BAHD1: variants seen among roughly 807,000 people sequenced by gnomAD.
The protein encoded by BAHD1 is bromo adjacent homology domain-containing 1 protein.
BAHD1 carries 20 observed loss-of-function variants against 63.1 expected under a neutral mutation model. That is an observed-to-expected ratio of 0.32 (90% CI 0.22 to 0.46). The LOEUF (loss-of-function observed/expected upper bound fraction) is 0.46. BAHD1 is among the 20% of genes least tolerant of loss of function. The pLI is 1.00. For missense variants in BAHD1, 939 were observed against 1,071.8 expected (o/e 0.88, Z 1.73); for synonymous variants, 408 against 426.8 (o/e 0.96, Z 0.54).
At chr15:40,444,613 G>A (rs973934109) in intron 1 of BAHD1, among the ~76,000 whole-genome samples, 2 of 151,836 alleles carry the variant, frequency 1.3e-5, no homozygotes, top group African/African-American at 4.8e-5. Context: ...CTGGCCCATA[G>A]ATGGGACTTT....
rs904616028 is a variant in BAHD1, at chr15:40,443,256, G to C, written c.-15+1988G>C. 4.1e-6 allele frequency: 4 copies of C among 985,234 alleles called. No homozygotes were observed. The African/African-American group carries it at 7.0e-5, about 17-fold the overall frequency. The allele number at this position is 985,234 out of a possible 1,614,324, so 61.0% of individuals were successfully genotyped here. ...GCATGGGCATGGGAGTTTATTCATG[G>C]CCACCCCCCATGGACCTCCCTGGAA... is the stretch of plus-strand genomic sequence containing the variant. On this transcript the variant is annotated intron_variant, in intron 1 of 6. Transcript: ENST00000416165.
chr15:40,441,752 G>A (rs1425374983), intron 1 of BAHD1, among the ~76,000 whole-genome samples: 1 of 150,026 alleles, frequency 6.7e-6, no homozygotes, highest in Non-Finnish European at 1.5e-5. Flanking sequence ...CGGTCCCCGA[G>A]GCAAGGGGCC....
chr15:40,464,045 C>G lies in BAHD1; in HGVS notation c.1975+25C>G, dbSNP rs749932489. The G allele has an allele frequency of 4.3e-6, 7 of 1,611,838 alleles. No individual in the cohort carries two copies. In the South Asian group the frequency reaches 7.7e-5, roughly 18 times the overall value. On this transcript the variant is annotated intron_variant, in intron 4 of 6. Transcript: ENST00000416165. The stretch of plus-strand genomic sequence containing the variant: ...GGTACCTCTCCCTCTGGCTGGGGAC[C>G]CAAGGGGCAGCTGCCTTCAGCAGAA...
chr15:40,465,157 G>T (rs1894165441), intron 5 of BAHD1, 178 bp from the exon 6 acceptor site: 4 of 610,112 alleles, frequency 6.6e-6, no homozygotes, highest in South Asian at 5.7e-5. Flanking sequence ...GGACCTAGAA[G>T]GGACTCAGGA....
rs750173683 is a variant in BAHD1, at chr15:40,466,133, T to G, written c.*3T>G. On this transcript the variant is annotated 3_prime_UTR_variant, in exon 7 of 7. Coordinates refer to ENST00000416165, the MANE Select transcript of BAHD1 (RefSeq NM_014952.5). ...GCATCCTTAAGAACCCCCAGTAGCC[T>G]CCTCATGCCCATGCTGGGGCTACCC... is the stretch of plus-strand genomic sequence containing the variant. The G allele has an allele frequency of 4.3e-6, 7 of 1,610,704 alleles. No homozygotes were observed. Among genetic ancestry groups the G allele is most frequent in the South Asian group, 2.2e-5 (2 of 90,618 alleles).
chr15:40,451,328 C>T (rs1479651224), intron 1 of BAHD1, among the ~76,000 whole-genome samples: 2 of 152,248 alleles, frequency 1.3e-5, no homozygotes, highest in Admixed American at 6.5e-5. Flanking sequence ...TCATATGTAC[C>T]CTCTGAGAAG....
intron 1 of BAHD1, among the ~76,000 whole-genome samples, chr15:40,455,947 G>A (rs1261017206): frequency 1.3e-5 from 2 of 152,162 alleles, no homozygotes; most frequent in African/African-American, 4.8e-5. Flanking sequence ...AGGGCCTGTG[G>A]GTTATAAGAA....
At position 40,466,756 on chromosome 15, in the gene BAHD1, C is replaced by T. The variant is rs1488852562; in HGVS notation, c.*626C>T. 1 of 152,472 alleles carries T rather than the reference C, an allele frequency of 6.6e-6. No homozygotes were observed. Among genetic ancestry groups the T allele is most frequent in the Non-Finnish European group, 1.5e-5 (1 of 68,086 alleles). The allele number at this position is 152,472 out of a possible 1,614,324, so 9.4% of individuals were successfully genotyped here. On this transcript the variant is annotated 3_prime_UTR_variant, in exon 7 of 7. Coordinates refer to ENST00000416165, the MANE Select transcript of BAHD1 (RefSeq NM_014952.5). ...GCAACTGGTGCTGGGACAAGTTGAC[C>T]CACCTCTCACAGTCATGGGTGTGGC...
At position 40,458,344 on chromosome 15, in the gene BAHD1, T is replaced by C; in HGVS notation, c.-14-107T>C. ...ATCCATACTGGAGACAGGGTAGTTGTAGGCCAGGATCACTGCACCTGGGGC... is the reference window on the plus strand; with the variant it reads ...ATCCATACTGGAGACAGGGTAGTTGCAGGCCAGGATCACTGCACCTGGGGC... On this transcript the variant is annotated intron_variant, in intron 1 of 6. Transcript: ENST00000416165. This position sits in a 1 kb window ranked among gnomAD's most constrained non-coding sequence, Gnocchi z 4.7. The C allele has an allele frequency of 1.4e-6, 2 of 1,422,750 alleles. No individual in the cohort carries two copies. The highest frequency in any genetic ancestry group is 2.8e-5 in the South Asian group (2 of 70,458). 88.1% of individuals were successfully genotyped at this position (1,422,750 alleles called of 1,614,324 possible). A position where few individuals can be genotyped will look rare whatever the true frequency, so the allele number is the denominator to read the frequency against.
intron 1 of BAHD1, among the ~76,000 whole-genome samples, chr15:40,447,575 T>TAAATAAATA (rs1312055092): frequency 4.4e-4 from 16 of 36,344 alleles, no homozygotes; most frequent in African/African-American, 1.0e-3. Context: ...AATAAATAAA[T>TAAATAAATA]AAATAAATAA....
chr15:40,448,727 G>T (rs999672640), intron 1 of BAHD1, among the ~76,000 whole-genome samples: 2 of 152,070 alleles, frequency 1.3e-5, no homozygotes, highest in Non-Finnish European at 2.9e-5. Context: ...TAGAGACAGG[G>T]TCTCACTGTA....
intron 1 of BAHD1, among the ~76,000 whole-genome samples, chr15:40,445,987 C>T (rs115895917): frequency 1.3e-3 from 204 of 152,296 alleles, no homozygotes; most frequent in African/African-American, 3.5e-3. Flanking sequence ...AAATACCATG[C>T]GCAGTCAAGA....
intron 3 of BAHD1, among the ~76,000 whole-genome samples, chr15:40,463,147 T>A (rs527918163): frequency 1.1e-4 from 17 of 151,128 alleles, no homozygotes; most frequent in South Asian, 2.1e-4. Flanking sequence ...AGAAAAAAAA[T>A]TTTTTTAATT....
At chr15:40,441,545 CCCGGGGGCCGCCCGCCTTGCAGG>C (rs1292001748) in intron 1 of BAHD1, among the ~76,000 whole-genome samples, 2 of 149,964 alleles carry the variant, frequency 1.3e-5, no homozygotes. Flanking sequence ...GGTGACAGCC[CCCGGGGGCCGCCCGCCTTGCAGG>C]CCGGGGGCGG....
chr15:40,439,855 C>T (rs958127529), upstream of BAHD1: 1 of 152,340 alleles, frequency 6.6e-6, no homozygotes, highest in Non-Finnish European at 1.5e-5. Context: ...TGCCCTTAGC[C>T]TGCTGTGCCC....
Position 40,462,151 on chromosome 15 carries a change from A to C in BAHD1, c.1672A>C (p.Thr558Pro). The change falls in exon 3 of 7, where the codon ACT becomes CCT. Residue 558 changes from threonine (T) to proline (P), a missense_variant. Physicochemically the swap from Thr to Pro is conservative, Grantham distance 38 (BLOSUM62 -1). Transcript: ENST00000416165. ...GLRTGSSCRHTARSKAARRPS... is the reference protein window; with the variant it reads ...GLRTGSSCRHPARSKAARRPS... ...GCGCACAGGCTCCAGCTGCAGGCAC[A>C]CTGCAAGGAGCAAGGCTGCCCGCAG... is the stretch of plus-strand genomic sequence containing the variant. 6.2e-7 allele frequency: 1 copy of C among 1,612,204 alleles called. No individual in the cohort carries two copies. The highest frequency in any genetic ancestry group is 2.2e-5 in the East Asian group (1 of 44,886).
At chr15:40,440,161 A>T (rs1265902212), upstream of BAHD1, among the ~76,000 whole-genome samples, 1 of 152,198 alleles carries the variant, frequency 6.6e-6, no homozygotes, top group East Asian at 1.9e-4. Context: ...TGAGGGCTCC[A>T]CACTCTGCTT....
intron 1 of BAHD1, among the ~76,000 whole-genome samples, chr15:40,451,309 A>G (rs932047911): frequency 9.9e-5 from 15 of 152,202 alleles, no homozygotes; most frequent in Admixed American, 4.6e-4. Flanking sequence ...AAGTGTCTAA[A>G]TGCCTGGCTC....
intron 1 of BAHD1, among the ~76,000 whole-genome samples, chr15:40,452,656 G>T (rs1893739990): frequency 6.6e-6 from 1 of 152,142 alleles, no homozygotes; most frequent in Admixed American, 6.5e-5. Flanking sequence ...CCCCAGAGCA[G>T]TGCCAGCACC....
Sources: allele counts gnomAD v4.1 joint callset (sites outside exome capture counted in the v4.1 genomes callset), GRCh38; gene constraint gnomAD v4.1.1; non-coding constraint Gnocchi (gnomAD v3.1); transcripts MANE v1.5; gene names NCBI Gene and HGNC (gene_info 2026-07-23, HGNC 2026-07-21).